PKNOX2: variants seen among roughly 807,000 people sequenced by gnomAD.
The protein encoded by PKNOX2 is homeobox protein PKNOX2.
A neutral mutation model predicts 53.1 loss-of-function variants in PKNOX2; 14 were observed. The ratio of observed to expected loss-of-function variants is 0.26; its 90% CI spans 0.17 to 0.41. The LOEUF (loss-of-function observed/expected upper bound fraction) is 0.41, where lower values mean the gene tolerates loss of function less well. Ranked by LOEUF, PKNOX2 falls within the 10% of genes least tolerant of loss-of-function variation. The pLI is 1.00. For synonymous variants in PKNOX2, 257 were observed against 242.8 expected, an observed-to-expected ratio of 1.06 and a Z score of -0.54; for missense variants, 496 against 602.8, an observed-to-expected ratio of 0.82 and a Z score of 1.85.
At chr11:125,225,222 G>T (rs1240659749) in intron 1 of PKNOX2, among the ~76,000 whole-genome samples, 4 of 152,192 alleles carry the variant, frequency 2.6e-5, no homozygotes, top group Admixed American at 1.3e-4. Context: ...GACCTATAGA[G>T]CTGCTGGATC....
intron 3 of PKNOX2, among the ~76,000 whole-genome samples, chr11:125,346,802 G>T (rs1950997646): frequency 6.6e-6 from 1 of 150,518 alleles, no homozygotes; most frequent in Admixed American, 6.6e-5. Flanking sequence ...AGGGAGGAAG[G>T]AAAGGAGGAT....
chr11:125,215,757 AAACTAACTAACT>A (rs537144913), intron 1 of PKNOX2, among the ~76,000 whole-genome samples: 10 of 152,112 alleles, frequency 6.6e-5, no homozygotes, highest in Admixed American at 6.5e-4. Context: ...GTCTCAAAAT[AAACTAACTAACT>A]AACTAACTAA....
At chr11:125,310,320 C>G (rs1370810708) in intron 2 of PKNOX2, among the ~76,000 whole-genome samples, 1 of 151,894 alleles carries the variant, frequency 6.6e-6, no homozygotes, top group African/African-American at 2.4e-5. Flanking sequence ...CATGGTGAAA[C>G]CACATCTCTA....
chr11:125,431,497 T>C lies in PKNOX2; in HGVS notation c.*105T>C. The C allele has an allele frequency of 9.1e-7, 1 of 1,095,496 alleles. No individual in the cohort carries two copies. The highest frequency in any genetic ancestry group is 4.0e-5 in the East Asian group (1 of 25,064). The allele number at this position is 1,095,496 out of a possible 1,614,324, so 67.9% of individuals were successfully genotyped here. A position where few individuals can be genotyped will look rare whatever the true frequency, so the allele number is the denominator to read the frequency against. On this transcript the variant is annotated 3_prime_UTR_variant, in exon 13 of 13. Transcript: ENST00000298282. Reference sequence around the variant, plus strand: ...CATGGGCAGGAAGCACCGAGGGAGTTGGGCCCTAGCTTCCCCAAATCAGTA... The same window carrying C: ...CATGGGCAGGAAGCACCGAGGGAGTCGGGCCCTAGCTTCCCCAAATCAGTA...
intron 2 of PKNOX2, among the ~76,000 whole-genome samples, chr11:125,283,505 C>T (rs1213741621): frequency 6.6e-6 from 1 of 152,158 alleles, no homozygotes; most frequent in Admixed American, 6.5e-5. Flanking sequence ...ATATATGATG[C>T]GTAGGGTTTG....
chr11:125,418,514 G>C (rs748256070), intron 10 of PKNOX2, among the ~76,000 whole-genome samples: 2 of 151,988 alleles, frequency 1.3e-5, no homozygotes, highest in African/African-American at 2.4e-5. Flanking sequence ...CTTCTGGCTG[G>C]GGGGAGGCAG....
intron 2 of PKNOX2, among the ~76,000 whole-genome samples, chr11:125,238,807 CAT>C (rs1197947793): frequency 6.6e-6 from 1 of 152,160 alleles, no homozygotes; most frequent in Non-Finnish European, 1.5e-5. Context: ...TGGACACAAA[CAT>C]AAAGGTCATT....
chr11:125,262,629 T>A (rs987054784), intron 2 of PKNOX2, among the ~76,000 whole-genome samples: 1 of 151,900 alleles, frequency 6.6e-6, no homozygotes, highest in Non-Finnish European at 1.5e-5. Context: ...CTCCCTGTCC[T>A]TTCTCTACCC....
intron 7 of PKNOX2, among the ~76,000 whole-genome samples, chr11:125,401,082 G>C (rs912050983): frequency 6.6e-6 from 1 of 152,056 alleles, no homozygotes; most frequent in East Asian, 1.9e-4. Context: ...AAAGTTGGGT[G>C]GGGGGCAGGG....
intron 3 of PKNOX2, among the ~76,000 whole-genome samples, chr11:125,333,862 G>T (rs1950281037): frequency 6.6e-6 from 1 of 152,136 alleles, no homozygotes; most frequent in African/African-American, 2.4e-5. Context: ...TGGGGTGGAG[G>T]GGGTAGCAAT....
intron 2 of PKNOX2, among the ~76,000 whole-genome samples, chr11:125,274,449 G>A (rs1036267957): frequency 1.3e-5 from 2 of 152,218 alleles, no homozygotes; most frequent in African/African-American, 2.4e-5. Flanking sequence ...GCCAGCCCCT[G>A]TGCAGAGGTG....
At chr11:125,225,875 T>C (rs193137063) in intron 1 of PKNOX2, among the ~76,000 whole-genome samples, 7 of 152,322 alleles carry the variant, frequency 4.6e-5, no homozygotes, top group Non-Finnish European at 7.3e-5. Context: ...ATTTCTTTTT[T>C]TCTCTGAGCT....
intron 4 of PKNOX2, among the ~76,000 whole-genome samples, chr11:125,359,548 C>A (rs1259356361): frequency 1.3e-5 from 2 of 152,228 alleles, no homozygotes; most frequent in East Asian, 3.9e-4. Context: ...TGCCCCCCAA[C>A]AATGTTCATG....
intron 1 of PKNOX2, among the ~76,000 whole-genome samples, chr11:125,205,637 C>T (rs926647952): frequency 1.3e-5 from 2 of 151,984 alleles, no homozygotes; most frequent in Admixed American, 1.3e-4. Flanking sequence ...CTCTAAGTAG[C>T]CCCTGTTTTT....
intron 2 of PKNOX2, among the ~76,000 whole-genome samples, chr11:125,315,607 C>CT (rs1403562723): frequency 2.6e-5 from 4 of 152,196 alleles, no homozygotes; most frequent in Admixed American, 2.6e-4. Flanking sequence ...CCTTGCAGGG[C>CT]TGGGAGGGCT....
chr11:125,414,378 G>A (rs546500031), intron 10 of PKNOX2, among the ~76,000 whole-genome samples: 25 of 152,274 alleles, frequency 1.6e-4, no homozygotes, highest in African/African-American at 2.4e-4. Context: ...TTCATGACGC[G>A]CTTAACATTG....
chr11:125,338,497 C>T (rs971809638), intron 3 of PKNOX2, among the ~76,000 whole-genome samples: 1 of 152,138 alleles, frequency 6.6e-6, no homozygotes. Flanking sequence ...AGAGTAGCCC[C>T]GTTTCCTTCT....
intron 2 of PKNOX2, among the ~76,000 whole-genome samples, chr11:125,286,120 C>A (rs1432468324): frequency 6.6e-6 from 1 of 152,172 alleles, no homozygotes; most frequent in Admixed American, 6.5e-5. Context: ...GGGTGGAACA[C>A]AGAGTGCACA....
At chr11:125,350,684 A>G (rs1951251146) in intron 3 of PKNOX2, among the ~76,000 whole-genome samples, 1 of 152,142 alleles carries the variant, frequency 6.6e-6, no homozygotes, top group South Asian at 2.1e-4. Context: ...CAAGGCCTCC[A>G]GGCAGCCACC....
Sources: gnomAD v4.1 joint callset for allele counts (sites outside exome capture counted in the v4.1 genomes callset) on GRCh38, gnomAD v4.1.1 for gene constraint, MANE v1.5 for transcripts, NCBI Gene and HGNC (gene_info 2026-07-23, HGNC 2026-07-21) for gene names.